The following DKK2 variants were observed in gnomAD, a reference collection of about 807,000 sequenced individuals.
DKK2 encodes the protein dickkopf-related protein 2.
DKK2 carries 11 observed loss-of-function variants against 28.1 expected under a neutral mutation model. The ratio of observed to expected loss-of-function variants is 0.39; its 90% CI spans 0.25 to 0.65. The LOEUF (loss-of-function observed/expected upper bound fraction) is 0.65, where lower values mean the gene tolerates loss of function less well. Among genes scored for constraint, DKK2 ranks in the 30% least tolerant of loss-of-function variants. The pLI is 0.47. For missense variants in DKK2, 326 were observed against 335.5 expected (o/e 0.97, Z 0.22); for synonymous variants, 135 against 126.5 (o/e 1.07, Z -0.45).
At chr4:106,997,533 G>A (rs542253177) in intron 1 of DKK2, among the ~76,000 whole-genome samples, 11 of 151,268 alleles carry the variant, frequency 7.3e-5, no homozygotes, top group African/African-American at 1.2e-4. Context: ...TCCAGTCACC[G>A]AAGAGATTTA....
chr4:106,974,973 G>A (rs1180075822), intron 1 of DKK2, among the ~76,000 whole-genome samples: 2 of 152,150 alleles, frequency 1.3e-5, no homozygotes, highest in Non-Finnish European at 2.9e-5. Flanking sequence ...TTTTATTGAA[G>A]GCCTTTCCTG....
intron 1 of DKK2, among the ~76,000 whole-genome samples, chr4:106,944,855 C>T (rs1337174327): frequency 6.6e-6 from 1 of 152,016 alleles, no homozygotes; most frequent in African/African-American, 2.4e-5. Context: ...ACTGAAACAC[C>T]TGGGCACAGC....
intron 1 of DKK2, among the ~76,000 whole-genome samples, chr4:106,966,801 C>T (rs530827500): frequency 4.7e-4 from 72 of 152,252 alleles, no homozygotes; most frequent in African/African-American, 1.7e-3. Context: ...TTGAAACCAA[C>T]AGATCTCATG....
intron 1 of DKK2, among the ~76,000 whole-genome samples, chr4:107,034,058 T>A (rs1404985255): frequency 6.6e-6 from 1 of 152,092 alleles, no homozygotes; most frequent in Non-Finnish European, 1.5e-5. Context: ...ACTTCAAAGC[T>A]CTGGGAAGAG....
chr4:107,006,739 G>A (rs147724866), intron 1 of DKK2, among the ~76,000 whole-genome samples: 16 of 152,214 alleles, frequency 1.1e-4, no homozygotes, highest in South Asian at 2.1e-4. Context: ...TTTGGTTTGC[G>A]TCCTGCATTT....
chr4:106,983,654 T>C (rs1723068057), intron 1 of DKK2, among the ~76,000 whole-genome samples: 2 of 152,266 alleles, frequency 1.3e-5, no homozygotes, highest in African/African-American at 4.8e-5. Context: ...AAGACTGCAT[T>C]AAAAAGATTA....
chr4:106,932,738 C>T lies in DKK2; in HGVS notation c.223-6789G>A, dbSNP rs114075363. ...TTGTAATTGGATAAGTATAATTGTC[C>T]TAACCAAAAGAGAGGAAGAAACTGC... is the stretch of plus-strand genomic sequence containing the variant. On this transcript the variant is annotated intron_variant, in intron 1 of 3. Coordinates refer to ENST00000285311, the MANE Select transcript of DKK2 (RefSeq NM_014421.3). Among the ~76,000 whole-genome samples, 293 of 152,158 alleles carry T rather than the reference C, an allele frequency of 1.9e-3. 3 individuals carry two copies. The highest frequency in any genetic ancestry group is 6.9e-3 in the South Asian group (33 of 4,816).
chr4:106,962,683 A>G (rs1335448403), intron 1 of DKK2, among the ~76,000 whole-genome samples: 1 of 152,092 alleles, frequency 6.6e-6, no homozygotes, highest in Non-Finnish European at 1.5e-5. Context: ...AAACACTCCA[A>G]GACATTTGTC....
intron 1 of DKK2, among the ~76,000 whole-genome samples, chr4:106,952,121 G>C (rs1434167963): frequency 6.6e-6 from 1 of 152,076 alleles, no homozygotes; most frequent in Admixed American, 6.6e-5. Flanking sequence ...CCAGTGAGTG[G>C]TGAAATCATT....
At chr4:107,023,378 A>T (rs955916788) in intron 1 of DKK2, among the ~76,000 whole-genome samples, 11 of 152,096 alleles carry the variant, frequency 7.2e-5, no homozygotes, top group African/African-American at 2.4e-4. Context: ...AAGTGAAAGA[A>T]GCCAATCTGA....
At chr4:106,985,766 A>G (rs1224399916) in intron 1 of DKK2, among the ~76,000 whole-genome samples, 1 of 151,254 alleles carries the variant, frequency 6.6e-6, no homozygotes, top group Non-Finnish European at 1.5e-5. Context: ...CTGAGATCAC[A>G]GATTGCACCA....
At chr4:106,944,988 G>T (rs1238917050) in intron 1 of DKK2, among the ~76,000 whole-genome samples, 1 of 152,042 alleles carries the variant, frequency 6.6e-6, no homozygotes, top group Non-Finnish European at 1.5e-5. Context: ...ATGAAGTGAT[G>T]TTTATTATAA....
intron 1 of DKK2, among the ~76,000 whole-genome samples, chr4:106,946,338 G>A (rs1053695746): frequency 2.6e-5 from 4 of 152,060 alleles, no homozygotes; most frequent in South Asian, 2.1e-4. Context: ...ATTTATGGGT[G>A]AAATAATATG....
intron 1 of DKK2, among the ~76,000 whole-genome samples, chr4:106,965,628 G>A (rs1254340808): frequency 1.3e-5 from 2 of 151,016 alleles, no homozygotes; most frequent in African/African-American, 4.9e-5. Context: ...AAGTTTTAGG[G>A]TACATGTGCA....
chr4:107,019,603 A>C (rs1357717426), intron 1 of DKK2, among the ~76,000 whole-genome samples: 2 of 152,100 alleles, frequency 1.3e-5, no homozygotes, highest in Non-Finnish European at 2.9e-5. Flanking sequence ...TGCTAGGAAT[A>C]TACTAGAGTA....
At chr4:107,024,741 G>A (rs145934737) in intron 1 of DKK2, among the ~76,000 whole-genome samples, 8 of 152,094 alleles carry the variant, frequency 5.3e-5, no homozygotes, top group Admixed American at 1.3e-4. Context: ...CCATTTTACC[G>A]ATGAAAAAAC....
intron 1 of DKK2, among the ~76,000 whole-genome samples, chr4:106,988,033 T>A (rs1183540497): frequency 6.6e-6 from 1 of 152,138 alleles, no homozygotes; most frequent in East Asian, 1.9e-4. Context: ...CCCGGCTAAT[T>A]TTTTATATTT....
intron 1 of DKK2, among the ~76,000 whole-genome samples, chr4:107,018,195 TA>T (rs755291174): frequency 1.3e-5 from 2 of 152,060 alleles, no homozygotes; most frequent in Non-Finnish European, 2.9e-5. Flanking sequence ...CTGTTGTCAC[TA>T]GCAAATAGCA....
chr4:106,978,558 C>T (rs1374448141), intron 1 of DKK2, among the ~76,000 whole-genome samples: 2 of 152,216 alleles, frequency 1.3e-5, no homozygotes, highest in African/African-American at 2.4e-5. Flanking sequence ...AAACCACCTA[C>T]TCAAGCCTCA....
Sources: allele counts gnomAD v4.1 joint callset (sites outside exome capture counted in the v4.1 genomes callset), GRCh38; gene constraint gnomAD v4.1.1; transcripts MANE v1.5; gene names NCBI Gene and HGNC (gene_info 2026-07-23, HGNC 2026-07-21).